The following VN1R1 variants were observed in gnomAD, a reference collection of about 807,000 sequenced individuals.
VN1R1 encodes vomeronasal type-1 receptor 1.
For synonymous variants in VN1R1, 168 were observed against 149.8 expected (o/e 1.12, Z -0.89); for missense variants, 391 against 410.3 (o/e 0.95, Z 0.41).
In VN1R1 at chr19:57,456,388, T is replaced by G. The variant is rs761512249; in HGVS notation, c.99A>C (p.Gln33His). 8 of 1,613,622 alleles carry G rather than the reference T, an allele frequency of 5.0e-6. No individual in the cohort carries two copies. The South Asian group carries it at 8.8e-5, about 18-fold the overall frequency. ...STDSSDLNEN[Q>H]HPLDFDEMAF... ...CCATTTCATCAAAATCTAGGGGATGTTGATTTTCATTGAGGTCTGAAGAAT... is the reference window on the plus strand; with the variant it reads ...CCATTTCATCAAAATCTAGGGGATGGTGATTTTCATTGAGGTCTGAAGAAT... The change falls in exon 1 of 1, where the codon CAA (glutamine) becomes CAC (histidine). Residue 33 changes from glutamine (Q) to histidine (H), a missense_variant. Gln to His is a conservative substitution (Grantham distance 24). Coordinates refer to ENST00000321039, the MANE Select transcript of VN1R1 (RefSeq NM_020633.4).
chr19:57,455,663 A>G lies in VN1R1; in HGVS notation c.824T>C (p.Ile275Thr), dbSNP rs752496506. The G allele has an allele frequency of 1.2e-6, 2 of 1,614,134 alleles. No individual in the cohort carries two copies. Among genetic ancestry groups the G allele is most frequent in the South Asian group, 2.2e-5 (2 of 91,088 alleles). Residue 275 changes from isoleucine (I) to threonine (T), a missense_variant, in exon 1 of 1, where the codon ATC becomes ACC. Ile to Thr is a moderately conservative substitution (Grantham distance 89, BLOSUM62 -1). Coordinates refer to ENST00000321039, the MANE Select transcript of VN1R1 (RefSeq NM_020633.4). ...PSQEARATHTIMVLVSSFFVF... is the reference protein window; with the variant it reads ...PSQEARATHTTMVLVSSFFVF... Reference sequence around the variant, plus strand: ...AAAAAAGGAGCTCACCAGGACCATGATGGTGTGTGTGGCTCTGGCTTCCTG... The same window carrying G: ...AAAAAAGGAGCTCACCAGGACCATGGTGGTGTGTGTGGCTCTGGCTTCCTG...
chr19:57,455,716 G>C lies in VN1R1; in HGVS notation c.771C>G (p.His257Gln), dbSNP rs769193657. ...AAGGTCTGCAGGAGAGTCTGTTGCT[G>C]TGATTGTGTTGGACTTGCTGCTTGT... ...YRHKQQVQHN[H>Q]SNRLSCRPSQ... Residue 257 changes from histidine (H) to glutamine (Q), a missense_variant, in exon 1 of 1, where the codon CAC becomes CAG. Coordinates refer to ENST00000321039, the MANE Select transcript of VN1R1 (RefSeq NM_020633.4). 15 of 1,614,052 alleles carry C rather than the reference G, an allele frequency of 9.3e-6. No individual in the cohort carries two copies. The South Asian group carries it at 1.6e-4, about 18-fold the overall frequency.
At position 57,456,482 on chromosome 19, in the gene VN1R1, A is replaced by T; in HGVS notation, c.5T>A (p.Val2Asp). Residue 2 changes from valine to aspartate, a missense_variant, in exon 1 of 1, where the codon GTT (valine) becomes GAT (aspartate). By Grantham distance (152) the Val-to-Asp change is radical. Transcript: ENST00000321039. ...AGACAGAAGTTTTAATGTGTCTCCA[A>T]CCATATTTTCTCATCTTAAACAGAA... M[V>D]GDTLKLLSPL... 1 of 1,556,966 alleles carries T rather than the reference A, an allele frequency of 6.4e-7. No homozygotes were observed. The highest frequency in any genetic ancestry group is 8.7e-7 in the Non-Finnish European group (1 of 1,152,642).
Position 57,455,561 on chromosome 19 carries a change from T to G in VN1R1, c.926A>C (p.Asn309Thr). The G allele has an allele frequency of 6.2e-7, 1 of 1,613,854 alleles. No homozygotes were observed. The highest frequency in any genetic ancestry group is 8.5e-7 in the Non-Finnish European group (1 of 1,179,984). ...VANPGQWIVT[N>T]SVLVASCFPA... is the part of the protein sequence containing the mutation. ...GAAACATGAGGCGACCAACACAGAG[T>G]TGGTCACTATCCACTGGCCTGGGTT... Residue 309 changes from asparagine (N) to threonine (T), a missense_variant, in exon 1 of 1, where the codon AAC (asparagine) becomes ACC (threonine). By Grantham distance (65) the Asn-to-Thr change is moderately conservative. Coordinates refer to ENST00000321039, the MANE Select transcript of VN1R1 (RefSeq NM_020633.4).
chr19:57,455,730 C>T lies in VN1R1; in HGVS notation c.757G>A (p.Val253Ile). The part of the protein sequence containing the change: ...VFFLYRHKQQ[V>I]QHNHSNRLSC... ...AGTCTGTTGCTGTGATTGTGTTGGACTTGCTGCTTGTGTCTGTAGAGGAAG... is the reference window on the plus strand; with the variant it reads ...AGTCTGTTGCTGTGATTGTGTTGGATTTGCTGCTTGTGTCTGTAGAGGAAG... Residue 253 changes from valine to isoleucine, a missense_variant, in exon 1 of 1, where the codon GTC becomes ATC. Transcript: ENST00000321039. 1 of 1,614,178 alleles carries T rather than the reference C, an allele frequency of 6.2e-7. No homozygotes were observed. Among genetic ancestry groups the T allele is most frequent in the East Asian group, 2.2e-5 (1 of 44,892 alleles).
In VN1R1 at chr19:57,456,477, C is replaced by G; in HGVS notation, c.10G>C (p.Asp4His). 1 of 1,560,130 alleles carries G rather than the reference C, an allele frequency of 6.4e-7. No homozygotes were observed. Among genetic ancestry groups the G allele is most frequent in the Non-Finnish European group, 8.7e-7 (1 of 1,153,954 alleles). MVGDTLKLLSPLMT... is the reference protein window; with the variant it reads MVGHTLKLLSPLMT... ...AGTGGAGACAGAAGTTTTAATGTGT[C>G]TCCAACCATATTTTCTCATCTTAAA... is the stretch of plus-strand genomic sequence containing the variant. Residue 4 changes from aspartate (D) to histidine (H), a missense_variant, in exon 1 of 1, where the codon GAC becomes CAC. Transcript: ENST00000321039.
In VN1R1 at chr19:57,456,047, G is replaced by T. The variant is rs1402923469; in HGVS notation, c.440C>A (p.Ala147Asp). 3 of 1,614,016 alleles carry T rather than the reference G, an allele frequency of 1.9e-6. No homozygotes were observed. The highest frequency in any genetic ancestry group is 3.3e-5 in the Admixed American group (2 of 60,008). Residue 147 changes from alanine to aspartate, a missense_variant, in exon 1 of 1, where the codon GCC becomes GAC. Physicochemically the swap from Ala to Asp is moderately radical, Grantham distance 126. Transcript: ENST00000321039. ...GCATATACTGGGGTTGAGCTTAATGGCTTGGAATCCATTGAGAAGGCAGAT... is the reference window on the plus strand; with the variant it reads ...GCATATACTGGGGTTGAGCTTAATGTCTTGGAATCCATTGAGAAGGCAGAT... ...STICLLNGFQAIKLNPSICRW... is the reference protein window; with the variant it reads ...STICLLNGFQDIKLNPSICRW...
Position 57,455,769 on chromosome 19 carries a change from C to T in VN1R1, c.718G>A (p.Gly240Ser), listed in dbSNP as rs754106022. 22 of 1,613,818 alleles carry T rather than the reference C, an allele frequency of 1.4e-5. No homozygotes were observed. In the East Asian group the frequency reaches 4.7e-4, roughly 34 times the overall value. Residue 240 changes from glycine to serine, a missense_variant, in exon 1 of 1, where the codon GGC becomes AGC. Gly to Ser is a moderately conservative substitution (Grantham distance 56). Coordinates refer to ENST00000321039, the MANE Select transcript of VN1R1 (RefSeq NM_020633.4). ...CTGTAGAGGAAGAAGACCATGGAGC[C>T]ACTGGCCCAGACCATGAAGCCCAAA... is the stretch of plus-strand genomic sequence containing the variant. ...MSLGFMVWAS[G>S]SMVFFLYRHK...
Position 57,456,607 on chromosome 19 carries a change from A to G in VN1R1, c.-121T>C. On this transcript the variant is annotated 5_prime_UTR_variant, in exon 1 of 1. Transcript: ENST00000321039. Reference sequence around the variant, plus strand: ...GGCTCAACCGCACAACAGATCCACAAATCAAACCTATAAAACTCAGGGCTT... The same window carrying G: ...GGCTCAACCGCACAACAGATCCACAGATCAAACCTATAAAACTCAGGGCTT... 1 of 761,414 alleles carries G rather than the reference A, an allele frequency of 1.3e-6. No individual in the cohort carries two copies. Among genetic ancestry groups the G allele is most frequent in the Non-Finnish European group, 2.0e-6 (1 of 497,724 alleles). 47.2% of individuals were successfully genotyped at this position (761,414 alleles called of 1,614,324 possible). A position where few individuals can be genotyped will look rare whatever the true frequency, so the allele number is the denominator to read the frequency against.
Position 57,456,503 on chromosome 19 carries a change from CAG to C in VN1R1, c.-19_-18del, listed in dbSNP as rs759870728. ...TCCAACCATATTTTCTCATCTTAAACAGAAATTAAGATTGTCCCTGTTCGTGC... is the reference window on the plus strand; with the variant it reads ...TCCAACCATATTTTCTCATCTTAAACAAATTAAGATTGTCCCTGTTCGTGC... On this transcript the variant is annotated 5_prime_UTR_variant, in exon 1 of 1. Coordinates refer to ENST00000321039, the MANE Select transcript of VN1R1 (RefSeq NM_020633.4). The C allele has an allele frequency of 3.3e-6, 5 of 1,532,148 alleles. No individual in the cohort carries two copies. The African/African-American group carries it at 4.2e-5, about 13-fold the overall frequency. 94.9% of individuals were successfully genotyped at this position (1,532,148 alleles called of 1,614,324 possible).
In VN1R1 at chr19:57,455,855, T is replaced by C. The variant is rs1361210479; in HGVS notation, c.632A>G (p.Lys211Arg). Reference protein sequence around the residue: ...AKNNYGYCSYKASKRFSSLHA... With the variant: ...AKNNYGYCSYRASKRFSSLHA... ...TAATGAGCTAAATCTCTTTGATGCT[T>C]TGTAAGAACAGTATCCATAATTGTT... Residue 211 changes from lysine to arginine, a missense_variant, in exon 1 of 1, where the codon AAA (lysine) becomes AGA (arginine). Physicochemically the swap from Lys to Arg is conservative, Grantham distance 26 (BLOSUM62 2). Transcript: ENST00000321039. The C allele has an allele frequency of 2.5e-6, 4 of 1,614,236 alleles. No homozygotes were observed. The highest frequency in any genetic ancestry group is 3.4e-6 in the Non-Finnish European group (4 of 1,180,052).
At position 57,456,341 on chromosome 19, in the gene VN1R1, C is replaced by G; in HGVS notation, c.146G>C (p.Gly49Ala). The change falls in exon 1 of 1, where the codon GGG (glycine) becomes GCG (alanine). Residue 49 changes from glycine to alanine, a missense_variant. By Grantham distance (60) the Gly-to-Ala change is moderately conservative (BLOSUM62 0). Transcript: ENST00000321039. Reference protein sequence around the residue: ...DEMAFGKVKSGISFLIQTGVG... With the variant: ...DEMAFGKVKSAISFLIQTGVG... ...TCCAGTCTGAATGAGGAAGCTAATC[C>G]CTGATTTTACTTTTCCAAAAGCCAT... The G allele has an allele frequency of 6.2e-7, 1 of 1,613,796 alleles. No homozygotes were observed. Among genetic ancestry groups the G allele is most frequent in the Non-Finnish European group, 8.5e-7 (1 of 1,179,760 alleles).
Position 57,455,178 on chromosome 19 carries a change from T to G in VN1R1, c.*247A>C. 4.7e-6 allele frequency: 2 copies of G among 427,894 alleles called. No homozygotes were observed. The highest frequency in any genetic ancestry group is 8.3e-6 in the Non-Finnish European group (2 of 240,532). The allele number at this position is 427,894 out of a possible 1,614,324, so 26.5% of individuals were successfully genotyped here. On this transcript the variant is annotated 3_prime_UTR_variant, in exon 1 of 1. Transcript: ENST00000321039. Reference sequence around the variant, plus strand: ...AAAAATGAGAAATCTCCCCTAAATCTCTAAAGAATTCCCTTTTTAAACTTT... The same window carrying G: ...AAAAATGAGAAATCTCCCCTAAATCGCTAAAGAATTCCCTTTTTAAACTTT...
the VN1R1 span, chr19:57,456,402 GGTCT>G: frequency 6.2e-7 from 1 of 1,611,886 alleles, no homozygotes; most frequent in East Asian, 2.2e-5. Context: ...TTTTCATTGA[GGTCT>G]GAAGAATCAG....
chr19:57,456,502 A>G lies in VN1R1; in HGVS notation c.-16T>C, dbSNP rs183985621. 10 of 1,532,016 alleles carry G rather than the reference A, an allele frequency of 6.5e-6. No homozygotes were observed. Among genetic ancestry groups the G allele is most frequent in the Middle Eastern group, 1.8e-4 (1 of 5,676 alleles). The allele number at this position is 1,532,016 out of a possible 1,614,324, so 94.9% of individuals were successfully genotyped here. A position where few individuals can be genotyped will look rare whatever the true frequency, so the allele number is the denominator to read the frequency against. On this transcript the variant is annotated 5_prime_UTR_variant, in exon 1 of 1. Coordinates refer to ENST00000321039, the MANE Select transcript of VN1R1 (RefSeq NM_020633.4). ...CTCCAACCATATTTTCTCATCTTAA[A>G]CAGAAATTAAGATTGTCCCTGTTCG...
Position 57,456,428 on chromosome 19 carries a change from A to C in VN1R1, c.59T>G (p.Leu20Arg), listed in dbSNP as rs1446790900. 12 of 1,604,314 alleles carry C rather than the reference A, an allele frequency of 7.5e-6. No homozygotes were observed. Among genetic ancestry groups the C allele is most frequent in the African/African-American group, 1.3e-5 (1 of 74,608 alleles). ...SPLMTRYFFLLFYSTDSSDLN... is the reference protein window; with the variant it reads ...SPLMTRYFFLRFYSTDSSDLN... ...GTCTGAAGAATCAGTAGAATAAAAA[A>C]GCAGAAAGAAGTATCTTGTCATCAG... Residue 20 changes from leucine (L) to arginine (R), a missense_variant, in exon 1 of 1, where the codon CTT becomes CGT. Leu to Arg is a moderately radical substitution (Grantham distance 102). Transcript: ENST00000321039.
At position 57,455,458 on chromosome 19, in the gene VN1R1, T is replaced by C. The variant is rs1234333258; in HGVS notation, c.1029A>G (p.Lys343=). The part of the protein sequence containing the change: ...SQFCFACRTR[K]TLFPNLVVMP ...TGACAACCAGATTAGGAAAGAGTGTTTTCCTTGTCCTGCAGGCAAAACAGA... is the reference window on the plus strand; with the variant it reads ...TGACAACCAGATTAGGAAAGAGTGTCTTCCTTGTCCTGCAGGCAAAACAGA... Residue 343 remains lysine (K), a synonymous_variant, in exon 1 of 1, where the codon AAA becomes AAG. Coordinates refer to ENST00000321039, the MANE Select transcript of VN1R1 (RefSeq NM_020633.4). 6.2e-7 allele frequency: 1 copy of C among 1,613,432 alleles called. No individual in the cohort carries two copies. Among genetic ancestry groups the C allele is most frequent in the Non-Finnish European group, 8.5e-7 (1 of 1,179,852 alleles).
chr19:57,456,706 A>G lies in VN1R1; in HGVS notation c.-220T>C, dbSNP rs973233685. On this transcript the variant is annotated 5_prime_UTR_variant, in exon 1 of 1. It removes an upstream start codon present in the reference 5' UTR. Coordinates refer to ENST00000321039, the MANE Select transcript of VN1R1 (RefSeq NM_020633.4). ...AACAGAACACAGAAGAGTCAATATC[A>G]TTAGAGTGATATTATACTATAGTTT... The G allele has an allele frequency of 1.3e-5, 6 of 455,112 alleles. No homozygotes were observed. Among genetic ancestry groups the G allele is most frequent in the Non-Finnish European group, 2.3e-5 (6 of 258,990 alleles). The allele number at this position is 455,112 out of a possible 1,614,324, so 28.2% of individuals were successfully genotyped here.
rs1225728446 is a variant in VN1R1, at chr19:57,455,489, G to A, written c.998C>T (p.Ser333Phe). 3.1e-6 allele frequency: 5 copies of A among 1,613,958 alleles called. No homozygotes were observed. The highest frequency in any genetic ancestry group is 1.6e-4 in the Middle Eastern group (1 of 6,084). Reference protein sequence around the residue: ...FVLIMSDTHISQFCFACRTRK... With the variant: ...FVLIMSDTHIFQFCFACRTRK... ...TGTCCTGCAGGCAAAACAGAACTGA[G>A]AGATATGAGTATCACTCATGATGAG... Residue 333 changes from serine to phenylalanine, a missense_variant, in exon 1 of 1, where the codon TCT becomes TTT. Ser to Phe is a radical substitution (Grantham distance 155, BLOSUM62 -2). Coordinates refer to ENST00000321039, the MANE Select transcript of VN1R1 (RefSeq NM_020633.4).
Sources: gnomAD v4.1 joint callset for allele counts on GRCh38, gnomAD v4.1.1 for gene constraint, MANE v1.5 for transcripts, NCBI Gene and HGNC (gene_info 2026-07-23, HGNC 2026-07-21) for gene names.